Variants in ITGBL1 observed in about 807,000 individuals in gnomAD.
ITGBL1 encodes integrin subunit beta like 1, also known as integrin beta-like protein 1.
In ITGBL1, 51 loss-of-function variants were observed where a neutral mutation model predicts 68.5. The observed-to-expected ratio is 0.74, with a 90% CI of 0.59 to 0.94. The LOEUF is 0.94. Among genes scored for constraint, ITGBL1 ranks in the 40% least tolerant of loss-of-function variants. The pLI is 0.00. For synonymous variants in ITGBL1, 209 were observed against 227.3 expected (o/e 0.92, Z 0.72); for missense variants, 649 against 647.4 (o/e 1.00, Z -0.03).
At position 101,689,088 on chromosome 13, in the gene ITGBL1, C is replaced by T. The variant is rs185531304; in HGVS notation, c.1016-3497C>T. Among the ~76,000 whole-genome samples, 55 of 151,084 alleles carry T rather than the reference C, an allele frequency of 3.6e-4. 1 individual carries two copies. Among genetic ancestry groups the T allele is most frequent in the Non-Finnish European group, 1.0e-4 (7 of 67,802 alleles). On this transcript the variant is annotated intron_variant, in intron 7 of 10. Coordinates refer to ENST00000376180, the MANE Select transcript of ITGBL1 (RefSeq NM_004791.3). The stretch of plus-strand genomic sequence containing the variant: ...GGTGTGGTGGCGCATGCTTGCAATC[C>T]GAGCTACTCTGGAGGCTGAGGCAAG...
intron 8 of ITGBL1, 24 bp from the exon 9 acceptor site, chr13:101,706,732 T>A: frequency 6.2e-7 from 1 of 1,609,228 alleles, no homozygotes; most frequent in Non-Finnish European, 8.5e-7. Flanking sequence ...ATCCTCTCAC[T>A]CCTTTCCTGT....
intron 2 of ITGBL1, among the ~76,000 whole-genome samples, chr13:101,530,175 A>G (rs2049448736): frequency 6.6e-6 from 1 of 152,170 alleles, no homozygotes; most frequent in African/African-American, 2.4e-5. Context: ...TTTAGTACGA[A>G]GACTAGAACA....
At chr13:101,556,768 C>T (rs568455671) in intron 2 of ITGBL1, among the ~76,000 whole-genome samples, 23 of 152,222 alleles carry the variant, frequency 1.5e-4, no homozygotes, top group Non-Finnish European at 2.8e-4. Context: ...AGGTCACTGC[C>T]AGAAGCCAAA....
chr13:101,510,538 G>A (rs904302570), intron 2 of ITGBL1, among the ~76,000 whole-genome samples: 1 of 152,038 alleles, frequency 6.6e-6, no homozygotes, highest in Admixed American at 6.6e-5. Flanking sequence ...TAGGTCAAAT[G>A]GTAGCTCTGT....
At chr13:101,616,956 G>A (rs891781375) in intron 7 of ITGBL1, among the ~76,000 whole-genome samples, 16 of 152,128 alleles carry the variant, frequency 1.1e-4, no homozygotes, top group African/African-American at 3.4e-4. Context: ...CCTTAAAATG[G>A]CACAAATATA....
intron 7 of ITGBL1, among the ~76,000 whole-genome samples, chr13:101,603,118 G>C (rs1431838745): frequency 6.6e-6 from 1 of 151,948 alleles, no homozygotes; most frequent in East Asian, 1.9e-4. Context: ...CTGGGTCATA[G>C]AGTGACTCTG....
intron 8 of ITGBL1, among the ~76,000 whole-genome samples, chr13:101,700,948 C>T (rs1008940547): frequency 6.6e-6 from 1 of 152,072 alleles, no homozygotes; most frequent in Non-Finnish European, 1.5e-5. Context: ...TGTTGCTTAT[C>T]GTTATTTTCT....
Position 101,692,595 on chromosome 13 carries a change from A to C in ITGBL1, c.1026A>C (p.Glu342Asp). ...CTTTATACTTTCCAGGTAAATGTGA[A>C]TGTGGCAAATGCACCTGCTATCCTC... ...DLPCSGRGKCECGKCTCYPPG... is the reference protein window; with the variant it reads ...DLPCSGRGKCDCGKCTCYPPG... Residue 342 changes from glutamate to aspartate, a missense_variant, in exon 8 of 11, where the codon GAA (glutamate) becomes GAC (aspartate). Transcript: ENST00000376180. 1.9e-6 allele frequency: 3 copies of C among 1,611,716 alleles called. No individual in the cohort carries two copies. The highest frequency in any genetic ancestry group is 2.5e-6 in the Non-Finnish European group (3 of 1,177,864).
At chr13:101,505,062 C>T (rs954776979) in intron 2 of ITGBL1, among the ~76,000 whole-genome samples, 2 of 152,168 alleles carry the variant, frequency 1.3e-5, no homozygotes, top group Non-Finnish European at 2.9e-5. Flanking sequence ...CTGTTACCAT[C>T]TCTCAAGCCT....
At chr13:101,546,728 A>G (rs1431181476) in intron 2 of ITGBL1, among the ~76,000 whole-genome samples, 1 of 152,202 alleles carries the variant, frequency 6.6e-6, no homozygotes, top group Non-Finnish European at 1.5e-5. Context: ...ATAGCAAGCA[A>G]CTTTTATCTA....
chr13:101,617,915 G>T (rs563720086), intron 7 of ITGBL1, among the ~76,000 whole-genome samples: 1 of 152,168 alleles, frequency 6.6e-6, no homozygotes, highest in African/African-American at 2.4e-5. Context: ...GTGGTTTGTT[G>T]ATATTGAATG....
chr13:101,583,052 ATT>A (rs1566742015), intron 5 of ITGBL1, among the ~76,000 whole-genome samples, 162 bp from the exon 6 acceptor site: 12 of 152,232 alleles, frequency 7.9e-5, no homozygotes, highest in Non-Finnish European at 1.5e-4. Flanking sequence ...AGGAATCTCT[ATT>A]ATCAATATTA....
Position 101,567,857 on chromosome 13 carries a change from A to G in ITGBL1, c.463+12A>G. 1 of 1,602,770 alleles carries G rather than the reference A, an allele frequency of 6.2e-7. No homozygotes were observed. The highest frequency in any genetic ancestry group is 1.3e-5 in the African/African-American group (1 of 74,470). ...CTGCTCTAATGCAGGTAAGAAGTAT[A>G]CCCTGTGAAAATTGTTAAGTGGAAT... On this transcript the variant is annotated intron_variant, in intron 3 of 10. Coordinates refer to ENST00000376180, the MANE Select transcript of ITGBL1 (RefSeq NM_004791.3).
chr13:101,590,052 A>G (rs1386367733), intron 6 of ITGBL1, among the ~76,000 whole-genome samples: 2 of 152,246 alleles, frequency 1.3e-5, no homozygotes, highest in Admixed American at 6.5e-5. Context: ...GAACGTGCCT[A>G]TGGGAGAATA....
At chr13:101,610,016 T>C (rs1385551154) in intron 7 of ITGBL1, among the ~76,000 whole-genome samples, 1 of 152,158 alleles carries the variant, frequency 6.6e-6, no homozygotes, top group Non-Finnish European at 1.5e-5. Flanking sequence ...ACCAGTATTG[T>C]CAAAATGTAT....
At chr13:101,666,238 C>A (rs1056979273) in intron 7 of ITGBL1, among the ~76,000 whole-genome samples, 12 of 152,184 alleles carry the variant, frequency 7.9e-5, no homozygotes, top group African/African-American at 2.9e-4. Context: ...GCAGTACCAA[C>A]TGAATGAACC....
rs867176105 is a variant in ITGBL1, at chr13:101,564,489, C to T, written c.317-3210C>T. Among the ~76,000 whole-genome samples the T allele has an allele frequency of 1.1e-4, 16 of 151,152 alleles. 1 individual carries two copies. The highest frequency in any genetic ancestry group is 2.9e-4 in the African/African-American group (12 of 41,222). ...ACAATGAACTTCTATCCAGGAGATA[C>T]GTACATATATATGTATATACAACAA... On this transcript the variant is annotated intron_variant, in intron 2 of 10. Transcript: ENST00000376180.
intron 7 of ITGBL1, among the ~76,000 whole-genome samples, chr13:101,664,337 C>A (rs932019687): frequency 4.6e-5 from 7 of 151,984 alleles, no homozygotes; most frequent in Non-Finnish European, 1.0e-4. Flanking sequence ...TATGGGACTT[C>A]CATAATGAAC....
chr13:101,612,783 C>T (rs2031193810), intron 7 of ITGBL1, among the ~76,000 whole-genome samples: 1 of 152,034 alleles, frequency 6.6e-6, no homozygotes, highest in African/African-American at 2.4e-5. Flanking sequence ...CACTATTCAC[C>T]CCTGCTCATC....
Sources: gnomAD v4.1 joint callset for allele counts (sites outside exome capture counted in the v4.1 genomes callset) on GRCh38, gnomAD v4.1.1 for gene constraint, MANE v1.5 for transcripts, NCBI Gene and HGNC (gene_info 2026-07-23, HGNC 2026-07-21) for gene names.